CMTM4: variants seen among roughly 807,000 people sequenced by gnomAD.
The protein encoded by CMTM4 is CKLF like MARVEL transmembrane domain containing 4, also known as CKLF-like MARVEL transmembrane domain-containing protein 4.
A neutral mutation model predicts 19.0 loss-of-function variants in CMTM4; 8 were observed. The ratio of observed to expected loss-of-function variants is 0.42; its 90% CI spans 0.25 to 0.76. CMTM4 has a LOEUF of 0.76. Among genes scored for constraint, CMTM4 ranks in the 30% least tolerant of loss-of-function variants. The probability of loss-of-function intolerance (pLI) is 0.27; values close to 1 mark genes in which losing one functional copy is unlikely to be tolerated. For synonymous variants in CMTM4, 106 were observed against 121.1 expected, an observed-to-expected ratio of 0.88 and a Z score of 0.82; for missense variants, 228 against 290.2, an observed-to-expected ratio of 0.79 and a Z score of 1.56.
chr16:66,659,254 A>G (rs1483979067), intron 1 of CMTM4, among the ~76,000 whole-genome samples: 4 of 152,124 alleles, frequency 2.6e-5, no homozygotes, highest in Non-Finnish European at 5.9e-5. Context: ...GTGCACCTGT[A>G]GTCCCAGCTA....
chr16:66,648,835 G>C (rs533293932), intron 1 of CMTM4, among the ~76,000 whole-genome samples: 1 of 152,164 alleles, frequency 6.6e-6, no homozygotes, highest in Non-Finnish European at 1.5e-5. Context: ...AGCTGGGTGT[G>C]GTAGCGCAGG....
intron 1 of CMTM4, among the ~76,000 whole-genome samples, chr16:66,689,692 C>T (rs780533705): frequency 3.7e-4 from 56 of 152,208 alleles, no homozygotes; most frequent in Admixed American, 1.8e-3. Context: ...CAGACATAAG[C>T]CACTGTGCCT....
chr16:66,618,954 G>A lies in CMTM4; in HGVS notation c.*3104C>T. 1.0e-6 allele frequency: 1 copy of A among 985,518 alleles called. No individual in the cohort carries two copies. Among genetic ancestry groups the A allele is most frequent in the Non-Finnish European group, 1.2e-6 (1 of 829,964 alleles). The allele number at this position is 985,518 out of a possible 1,614,324, so 61.0% of individuals were successfully genotyped here. On this transcript the variant is annotated 3_prime_UTR_variant, in exon 4 of 4. Coordinates refer to ENST00000394106, the MANE Select transcript of CMTM4 (RefSeq NM_181521.3). Reference sequence around the variant, plus strand: ...GCCCATGCTGGCTTCAGCTCACATTGCCAAGGAAGATGTGTATTGGGGCTG... The same window carrying A: ...GCCCATGCTGGCTTCAGCTCACATTACCAAGGAAGATGTGTATTGGGGCTG...
chr16:66,645,320 C>T (rs1186694526), intron 1 of CMTM4, among the ~76,000 whole-genome samples: 1 of 151,810 alleles, frequency 6.6e-6, no homozygotes, highest in Non-Finnish European at 1.5e-5. Context: ...TGGCTCACGC[C>T]TGCAATCCCA....
chr16:66,626,508 A>G (rs1179053134), intron 2 of CMTM4, among the ~76,000 whole-genome samples: 1 of 152,180 alleles, frequency 6.6e-6, no homozygotes, highest in Non-Finnish European at 1.5e-5. Context: ...CGGCAGGCTG[A>G]GGCAAGAGAA....
chr16:66,686,350 T>C (rs568457674), intron 1 of CMTM4, among the ~76,000 whole-genome samples: 2 of 150,904 alleles, frequency 1.3e-5, no homozygotes, highest in South Asian at 4.2e-4. Context: ...TCACTTGAGC[T>C]CAGGAGTTCG....
At position 66,617,339 on chromosome 16, in the gene CMTM4, C is replaced by T. The variant is rs374620860; in HGVS notation, c.*4719G>A. 46 of 1,613,324 alleles carry T rather than the reference C, an allele frequency of 2.9e-5. No individual in the cohort carries two copies. The South Asian group carries it at 4.3e-4, about 15-fold the overall frequency. ...GTGGGTGATTTTTTCCTTACTGTTA[C>T]GTTTGTGGAGTAGGAAAAACTAGAA... On this transcript the variant is annotated 3_prime_UTR_variant, in exon 4 of 4. Transcript: ENST00000394106.
intron 1 of CMTM4, among the ~76,000 whole-genome samples, chr16:66,638,023 T>A (rs1478977003): frequency 6.6e-6 from 1 of 152,232 alleles, no homozygotes; most frequent in African/African-American, 2.4e-5. Context: ...TTTCTCCACC[T>A]GCTGAAAGTC....
intron 1 of CMTM4, among the ~76,000 whole-genome samples, chr16:66,693,120 A>C (rs1484558020): frequency 1.3e-5 from 2 of 152,084 alleles, no homozygotes; most frequent in Non-Finnish European, 2.9e-5. Flanking sequence ...GCTACTCGGG[A>C]GGCTGAGGCT....
Position 66,621,711 on chromosome 16 carries a change from T to G in CMTM4, c.*347A>C, listed in dbSNP as rs942680550. ...ATGCTGTCCCTTCATTCCTTCATAT[T>G]TCCCCCCTCTTAGCAGCCCCATTTA... On this transcript the variant is annotated 3_prime_UTR_variant, in exon 4 of 4. Coordinates refer to ENST00000394106, the MANE Select transcript of CMTM4 (RefSeq NM_181521.3). The G allele has an allele frequency of 3.7e-6, 4 of 1,080,804 alleles. No individual in the cohort carries two copies. Among genetic ancestry groups the G allele is most frequent in the South Asian group, 6.6e-5 (2 of 30,514 alleles). The allele number at this position is 1,080,804 out of a possible 1,614,324, so 67.0% of individuals were successfully genotyped here.
chr16:66,600,112 TTG>T, the CMTM4 span, among the ~76,000 whole-genome samples: 29 of 146,514 alleles, frequency 2.0e-4, no homozygotes, highest in Admixed American at 3.5e-4. Flanking sequence ...AGCCATCCTT[TTG>T]TGTGTGTGTG....
At chr16:66,658,762 G>T (rs998626353) in intron 1 of CMTM4, among the ~76,000 whole-genome samples, 3 of 152,034 alleles carry the variant, frequency 2.0e-5, no homozygotes, top group Non-Finnish European at 4.4e-5. Flanking sequence ...AGCCAAAAAT[G>T]TCTCCAGATA....
the CMTM4 span, among the ~76,000 whole-genome samples, chr16:66,602,191 G>T: frequency 6.6e-6 from 1 of 152,226 alleles, no homozygotes; most frequent in Non-Finnish European, 1.5e-5. Context: ...GAGGCCAGGA[G>T]TTCAAGACCA....
chr16:66,660,307 G>A (rs1220215070), intron 1 of CMTM4, among the ~76,000 whole-genome samples: 1 of 148,610 alleles, frequency 6.7e-6, no homozygotes, highest in Non-Finnish European at 1.5e-5. Context: ...AGGATTGCTT[G>A]AGCCTGGGAG....
At chr16:66,601,971 A>G in the CMTM4 span, among the ~76,000 whole-genome samples, 2 of 152,204 alleles carry the variant, frequency 1.3e-5, no homozygotes, top group Admixed American at 6.5e-5. Context: ...TGCCTGCTCC[A>G]TGGAGTGTGC....
chr16:66,641,674 C>T (rs2016099496), intron 1 of CMTM4, among the ~76,000 whole-genome samples: 1 of 152,168 alleles, frequency 6.6e-6, no homozygotes, highest in African/African-American at 2.4e-5. Flanking sequence ...TGTTATTTCC[C>T]TATTAGCTTC....
intron 1 of CMTM4, among the ~76,000 whole-genome samples, chr16:66,665,262 TAAAAAAA>T (rs71145929): frequency 5.0e-5 from 3 of 59,710 alleles, no homozygotes; most frequent in African/African-American, 1.8e-4. Flanking sequence ...CCCTGTTTCT[TAAAAAAA>T]AAAAAAAAAA....
Position 66,687,682 on chromosome 16 carries a change from A to ATAT in CMTM4, c.186+8657_186+8658insATA, listed in dbSNP as rs1567434313. Reference sequence around the variant, plus strand: ...ATAACCAAATACCGTAAAAAGGGTAATTTTTTTTTTTTTTTTTTTTTTTGA... The same window carrying ATAT: ...ATAACCAAATACCGTAAAAAGGGTAATATTTTTTTTTTTTTTTTTTTTTTTTGA... On this transcript the variant is annotated intron_variant, in intron 1 of 3. Transcript: ENST00000394106. 1.7e-3 allele frequency among the ~76,000 whole-genome samples: 163 copies of ATAT among 93,298 alleles called. 3 individuals carry two copies. Among genetic ancestry groups the ATAT allele is most frequent in the Non-Finnish European group, 2.3e-3 (102 of 43,862 alleles). The allele number at this position is 93,298 out of a possible 152,430, so 61.2% of individuals were successfully genotyped here. A position where few individuals can be genotyped will look rare whatever the true frequency, so the allele number is the denominator to read the frequency against.
rs1198698990 is a variant in CMTM4 at position 66,618,447 on chromosome 16, G to C, written c.*3611C>G. 2.0e-6 allele frequency: 2 copies of C among 985,294 alleles called. No individual in the cohort carries two copies. The highest frequency in any genetic ancestry group is 2.4e-6 in the Non-Finnish European group (2 of 829,944). 61.0% of individuals were successfully genotyped at this position (985,294 alleles called of 1,614,324 possible). On this transcript the variant is annotated 3_prime_UTR_variant, in exon 4 of 4. Coordinates refer to ENST00000394106, the MANE Select transcript of CMTM4 (RefSeq NM_181521.3). ...GTCTCCATGCTCTATTCATCTCCTA[G>C]GTGCTAAGACCAACCCACAGAAAAT...
Sources: allele counts gnomAD v4.1 joint callset (sites outside exome capture counted in the v4.1 genomes callset), GRCh38; gene constraint gnomAD v4.1.1; transcripts MANE v1.5; gene names NCBI Gene and HGNC (gene_info 2026-07-23, HGNC 2026-07-21).